OR8G1: variants seen among roughly 807,000 people sequenced by gnomAD.
OR8G1 encodes olfactory receptor family 8 subfamily G member 1.
For synonymous variants in OR8G1, 129 were observed against 133.3 expected (o/e 0.97, Z 0.22); for missense variants, 372 against 356.2 (o/e 1.04, Z -0.36).
chr11:124,254,090 A>G lies in OR8G1; in HGVS notation c.*3479A>G, dbSNP rs1212033867. 6.6e-6 allele frequency: 1 copy of G among 152,156 alleles called. No individual in the cohort carries two copies. Among genetic ancestry groups the G allele is most frequent in the Middle Eastern group, 3.2e-3 (1 of 314 alleles). The allele number at this position is 152,156 out of a possible 1,614,324, so 9.4% of individuals were successfully genotyped here. Reference sequence around the variant, plus strand: ...TATTGCTAGGTCATATGGTAGTTCAATTTTTAATTTTTTGAGGAAGCTTTA... The same window carrying G: ...TATTGCTAGGTCATATGGTAGTTCAGTTTTTAATTTTTTGAGGAAGCTTTA... On this transcript the variant is annotated 3_prime_UTR_variant, in exon 3 of 3. Coordinates refer to ENST00000641972, the MANE Select transcript of OR8G1 (RefSeq NM_001002905.2).
chr11:124,241,434 G>A (rs1861759381), intron 1 of OR8G1, 70 bp downstream of exon 1: 1 of 152,070 alleles, frequency 6.6e-6, no homozygotes, highest in African/African-American at 2.4e-5. Flanking sequence ...CAAAAAATCA[G>A]GAAACTATTA....
intron 1 of OR8G1, among the ~76,000 whole-genome samples, chr11:124,243,643 T>C (rs1375349704): frequency 6.6e-6 from 1 of 152,036 alleles, no homozygotes; most frequent in African/African-American, 2.4e-5. Context: ...TCCAGTTTTA[T>C]TTTATCTGTA....
rs1467410258 is a variant in OR8G1 at position 124,247,818 on chromosome 11, T to A, written c.-79T>A. 6.6e-6 allele frequency: 1 copy of A among 151,890 alleles called. No individual in the cohort carries two copies. Among genetic ancestry groups the A allele is most frequent in the Admixed American group, 6.6e-5 (1 of 15,208 alleles). 9.4% of individuals were successfully genotyped at this position (151,890 alleles called of 1,614,324 possible). A position where few individuals can be genotyped will look rare whatever the true frequency, so the allele number is the denominator to read the frequency against. On this transcript the variant is annotated 5_prime_UTR_variant, in exon 2 of 3. Coordinates refer to ENST00000641972, the MANE Select transcript of OR8G1 (RefSeq NM_001002905.2). ...TTTTCCAGTTTGGGGCTCTTATGAA[T>A]AAGGCTGTCATGAACATTTTTGTAT... is the stretch of plus-strand genomic sequence containing the variant.
Position 124,249,786 on chromosome 11 carries a change from C to T in OR8G1, c.111C>T (p.Val37=). Reference sequence around the variant, plus strand: ...TCCTGTTCTTAGGAATCTATGTGGTCACAGTGGTGGGCAACCTGGGCATGA... The same window carrying T: ...TCCTGTTCTTAGGAATCTATGTGGTTACAGTGGTGGGCAACCTGGGCATGA... ...LFLLFLGIYV[V]TVVGNLGMTT... is the part of the protein sequence containing the mutation. Residue 37 remains valine (V), a synonymous_variant, in exon 3 of 3, where the codon GTC becomes GTT. Coordinates refer to ENST00000641972, the MANE Select transcript of OR8G1 (RefSeq NM_001002905.2). 6.2e-7 allele frequency: 1 copy of T among 1,613,936 alleles called. No individual in the cohort carries two copies. Among genetic ancestry groups the T allele is most frequent in the South Asian group, 1.1e-5 (1 of 91,074 alleles).
Position 124,247,823 on chromosome 11 carries a change from C to T in OR8G1, c.-74C>T, listed in dbSNP as rs529401264. 6.6e-6 allele frequency: 1 copy of T among 151,876 alleles called. No individual in the cohort carries two copies. The highest frequency in any genetic ancestry group is 2.4e-5 in the African/African-American group (1 of 41,498). 9.4% of individuals were successfully genotyped at this position (151,876 alleles called of 1,614,324 possible). On this transcript the variant is annotated 5_prime_UTR_variant, in exon 2 of 3. Transcript: ENST00000641972. ...CAGTTTGGGGCTCTTATGAATAAGGCTGTCATGAACATTTTTGTATAAATC... is the reference window on the plus strand; with the variant it reads ...CAGTTTGGGGCTCTTATGAATAAGGTTGTCATGAACATTTTTGTATAAATC...
chr11:124,241,552 G>T (rs10893185), intron 1 of OR8G1, among the ~76,000 whole-genome samples, 188 bp downstream of exon 1: 77,637 of 151,814 alleles, frequency 0.51, 20,480 homozygotes, highest in South Asian at 0.7. Context: ...AGAATAGCTC[G>T]GGTCCATCAC....
Position 124,252,838 on chromosome 11 carries a change from A to C in OR8G1, c.*2227A>C, listed in dbSNP as rs2137752672. On this transcript the variant is annotated 3_prime_UTR_variant, in exon 3 of 3. Coordinates refer to ENST00000641972, the MANE Select transcript of OR8G1 (RefSeq NM_001002905.2). ...TCAGATGCTCATTTGGCTTATGTAC[A>C]GTCAGCTCAAAGAATTCTTGCTCTT... The C allele has an allele frequency of 6.6e-6, 1 of 152,310 alleles. No individual in the cohort carries two copies. Among genetic ancestry groups the C allele is most frequent in the East Asian group, 1.9e-4 (1 of 5,164 alleles). The allele number at this position is 152,310 out of a possible 1,614,324, so 9.4% of individuals were successfully genotyped here. A position where few individuals can be genotyped will look rare whatever the true frequency, so the allele number is the denominator to read the frequency against.
At position 124,253,533 on chromosome 11, in the gene OR8G1, GTA is replaced by G. The variant is rs1861883227; in HGVS notation, c.*2925_*2926del. 1 of 144,474 alleles carries G rather than the reference GTA, an allele frequency of 6.9e-6. No individual in the cohort carries two copies. The allele number at this position is 144,474 out of a possible 1,614,324, so 8.9% of individuals were successfully genotyped here. On this transcript the variant is annotated 3_prime_UTR_variant, in exon 3 of 3. Coordinates refer to ENST00000641972, the MANE Select transcript of OR8G1 (RefSeq NM_001002905.2). ...AGTTATTTTGAATGTGTGTGTGTGT[GTA>G]TAGCGAAATGCCTAAATTGAGCTAG... is the stretch of plus-strand genomic sequence containing the variant.
At chr11:124,246,324 G>A (rs1010614483) in intron 1 of OR8G1, among the ~76,000 whole-genome samples, 4 of 151,694 alleles carry the variant, frequency 2.6e-5, no homozygotes, top group Non-Finnish European at 5.9e-5. Flanking sequence ...GCTATTTTAC[G>A]TGATACTATT....
At chr11:124,248,424 T>G (rs1263911778) in intron 2 of OR8G1, among the ~76,000 whole-genome samples, 2 of 151,694 alleles carry the variant, frequency 1.3e-5, no homozygotes, top group Admixed American at 1.3e-4. Context: ...GTGTATCCTT[T>G]CTAAGAAAGC....
chr11:124,247,079 G>A (rs928992022), intron 1 of OR8G1, among the ~76,000 whole-genome samples: 2 of 151,574 alleles, frequency 1.3e-5, no homozygotes, highest in Admixed American at 1.3e-4. Context: ...AATAAAAGTT[G>A]AATTGTTGAT....
chr11:124,249,189 A>G (rs932630337), intron 2 of OR8G1, among the ~76,000 whole-genome samples: 7 of 152,126 alleles, frequency 4.6e-5, no homozygotes, highest in Admixed American at 3.9e-4. Context: ...TGAAAATTTT[A>G]TGTATAAATC....
intron 1 of OR8G1, among the ~76,000 whole-genome samples, chr11:124,245,232 T>G (rs1861800353): frequency 6.8e-6 from 1 of 146,066 alleles, no homozygotes; most frequent in South Asian, 2.3e-4. Context: ...TTCTCATTGT[T>G]CAATTCCCAC....
rs912806099 is a variant in OR8G1 at position 124,250,202 on chromosome 11, A to G, written c.527A>G (p.His176Arg). The change falls in exon 3 of 3, where the codon CAT becomes CGT. Residue 176 changes from histidine to arginine, a missense_variant. His to Arg is a conservative substitution (Grantham distance 29). Coordinates refer to ENST00000641972, the MANE Select transcript of OR8G1 (RefSeq NM_001002905.2). ...VQFCKFDLINHYFCDLLPLLK... is the reference protein window; with the variant it reads ...VQFCKFDLINRYFCDLLPLLK... Reference sequence around the variant, plus strand: ...TTCTGCAAATTTGATTTGATTAACCATTATTTCTGTGATCTTCTTCCCCTC... The same window carrying G: ...TTCTGCAAATTTGATTTGATTAACCGTTATTTCTGTGATCTTCTTCCCCTC... 4.3e-6 allele frequency: 7 copies of G among 1,613,754 alleles called. No homozygotes were observed. The highest frequency in any genetic ancestry group is 5.1e-6 in the Non-Finnish European group (6 of 1,179,818).
At chr11:124,244,442 T>C (rs1049410566) in intron 1 of OR8G1, among the ~76,000 whole-genome samples, 2 of 151,956 alleles carry the variant, frequency 1.3e-5, no homozygotes, top group African/African-American at 4.8e-5. Context: ...TACATCTGGC[T>C]GTAAAGCAAC....
chr11:124,249,611 C>G (rs1442732245), intron 2 of OR8G1, 49 bp from the exon 3 acceptor site: 1 of 1,492,490 alleles, frequency 6.7e-7, no homozygotes, highest in Non-Finnish European at 8.9e-7. Flanking sequence ...TAATAAAGTC[C>G]CTCCCACAAC....
chr11:124,246,345 T>G (rs1434858114), intron 1 of OR8G1, among the ~76,000 whole-genome samples: 1 of 152,000 alleles, frequency 6.6e-6, no homozygotes, highest in Non-Finnish European at 1.5e-5. Context: ...TTTAAATTTG[T>G]ATTTTATTTG....
At chr11:124,249,199 C>T (rs1032066368) in intron 2 of OR8G1, among the ~76,000 whole-genome samples, 13 of 152,064 alleles carry the variant, frequency 8.5e-5, no homozygotes, top group Non-Finnish European at 1.8e-4. Context: ...ATGTATAAAT[C>T]GAGATTTCTT....
At chr11:124,244,075 A>G (rs1861787967) in intron 1 of OR8G1, among the ~76,000 whole-genome samples, 2 of 149,748 alleles carry the variant, frequency 1.3e-5, no homozygotes, top group Non-Finnish European at 3.0e-5. Context: ...GGAGAGGGAG[A>G]GAGAGATGGA....
Sources: allele counts gnomAD v4.1 joint callset (sites outside exome capture counted in the v4.1 genomes callset), GRCh38; gene constraint gnomAD v4.1.1; transcripts MANE v1.5; gene names NCBI Gene and HGNC (gene_info 2026-07-23, HGNC 2026-07-21).